The following ANKIB1 variants were observed in gnomAD, a reference collection of about 807,000 sequenced individuals.
The protein encoded by ANKIB1 is ankyrin repeat and IBR domain-containing protein 1.
ANKIB1 carries 43 observed loss-of-function variants against 122.1 expected under a neutral mutation model. That is an observed-to-expected ratio of 0.35 (90% CI 0.28 to 0.45). ANKIB1 has a LOEUF of 0.45. Ranked by LOEUF, ANKIB1 falls within the 20% of genes least tolerant of loss-of-function variation. The probability of loss-of-function intolerance (pLI) is 1.00; values close to 1 mark genes in which losing one functional copy is unlikely to be tolerated. For synonymous variants in ANKIB1, 390 were observed against 442.0 expected, an observed-to-expected ratio of 0.88 and a Z score of 1.48; for missense variants, 992 against 1,329.5, an observed-to-expected ratio of 0.75 and a Z score of 3.95.
chr7:92,340,192 T>C (rs1803406267), intron 5 of ANKIB1, among the ~76,000 whole-genome samples: 1 of 152,206 alleles, frequency 6.6e-6, no homozygotes, highest in Non-Finnish European at 1.5e-5. Context: ...GCTGTTTCTC[T>C]GAACTCTGAG....
intron 4 of ANKIB1, among the ~76,000 whole-genome samples, chr7:92,321,998 A>T (rs758449658): frequency 2.6e-5 from 4 of 152,158 alleles, no homozygotes; most frequent in Non-Finnish European, 5.9e-5. Context: ...TAAACTAGAA[A>T]ATAACTGAAT....
intron 1 of ANKIB1, among the ~76,000 whole-genome samples, chr7:92,283,420 T>C (rs1360719066): frequency 1.3e-5 from 2 of 152,238 alleles, no homozygotes; most frequent in Non-Finnish European, 2.9e-5. Flanking sequence ...CAACTTAATA[T>C]GCAGTTTGGT....
chr7:92,368,739 T>C (rs563322590), intron 10 of ANKIB1, among the ~76,000 whole-genome samples: 9 of 151,872 alleles, frequency 5.9e-5, no homozygotes, highest in South Asian at 4.2e-4. Flanking sequence ...AAAAAATGTA[T>C]GTATAAGGGA....
At chr7:92,329,285 T>A (rs1026783598) in intron 5 of ANKIB1, among the ~76,000 whole-genome samples, 9 of 152,152 alleles carry the variant, frequency 5.9e-5, no homozygotes, top group African/African-American at 1.9e-4. Context: ...TATCGATGTT[T>A]CTGACAGTCT....
chr7:92,314,559 G>C (rs958936159), intron 3 of ANKIB1, among the ~76,000 whole-genome samples: 1 of 152,148 alleles, frequency 6.6e-6, no homozygotes, highest in Non-Finnish European at 1.5e-5. Context: ...AAATCCCAAA[G>C]GGATTCTTAT....
intron 1 of ANKIB1, among the ~76,000 whole-genome samples, chr7:92,261,291 G>T (rs1487310310): frequency 2.7e-5 from 4 of 149,652 alleles, no homozygotes; most frequent in Non-Finnish European, 4.4e-5. Context: ...GGAGCTTGCA[G>T]TGAGCCGAGA....
chr7:92,256,188 G>T (rs968530649), intron 1 of ANKIB1, among the ~76,000 whole-genome samples: 1 of 152,198 alleles, frequency 6.6e-6, no homozygotes, highest in Non-Finnish European at 1.5e-5. Flanking sequence ...CATTCTAGGA[G>T]CTTTAGTAGT....
intron 3 of ANKIB1, among the ~76,000 whole-genome samples, chr7:92,318,191 T>A (rs1270264965): frequency 6.6e-6 from 1 of 152,158 alleles, no homozygotes; most frequent in Non-Finnish European, 1.5e-5. Context: ...TGACTGTTAC[T>A]ATATTATTAT....
chr7:92,262,312 C>T (rs370937346), intron 1 of ANKIB1, among the ~76,000 whole-genome samples: 16 of 152,282 alleles, frequency 1.1e-4, no homozygotes, highest in Non-Finnish European at 1.8e-4. Context: ...ACTTGAATGT[C>T]AACATGCATA....
intron 9 of ANKIB1, among the ~76,000 whole-genome samples, chr7:92,361,862 T>C (rs1441996630): frequency 6.6e-6 from 1 of 152,018 alleles, no homozygotes; most frequent in East Asian, 1.9e-4. Flanking sequence ...CAGGCTGGAG[T>C]GCAATGGTGC....
chr7:92,312,804 T>C (rs2131941873), intron 3 of ANKIB1, among the ~76,000 whole-genome samples: 1 of 152,278 alleles, frequency 6.6e-6, no homozygotes, highest in East Asian at 1.9e-4. Context: ...TAATGGATAC[T>C]CAGCACACAA....
At chr7:92,291,951 C>G (rs1802259736) in intron 1 of ANKIB1, among the ~76,000 whole-genome samples, 1 of 152,068 alleles carries the variant, frequency 6.6e-6, no homozygotes, top group Non-Finnish European at 1.5e-5. Context: ...TGAAACCTTG[C>G]CCAGGTTTTC....
At chr7:92,349,263 G>C (rs1456333466) in intron 7 of ANKIB1, among the ~76,000 whole-genome samples, 1 of 152,140 alleles carries the variant, frequency 6.6e-6, no homozygotes, top group Non-Finnish European at 1.5e-5. Context: ...TGGGAAGAAA[G>C]GAAAGAATGC....
Position 92,330,767 on chromosome 7 carries a change from G to A in ANKIB1, c.787+2867G>A, listed in dbSNP as rs181460029. Among the ~76,000 whole-genome samples, 19 of 152,254 alleles carry A rather than the reference G, an allele frequency of 1.2e-4. No homozygotes were observed. The East Asian group carries it at 1.9e-3, about 15-fold the overall frequency. ...TGAGGCAGGAGAATGGCGTGAACCC[G>A]GGAGGTGGAGCTTGCAGTGAGTGGA... On this transcript the variant is annotated intron_variant, in intron 5 of 19. Coordinates refer to ENST00000265742, the MANE Select transcript of ANKIB1 (RefSeq NM_019004.2).
intron 1 of ANKIB1, among the ~76,000 whole-genome samples, chr7:92,270,438 G>A (rs967338049): frequency 6.6e-5 from 10 of 152,160 alleles, no homozygotes; most frequent in African/African-American, 2.4e-4. Context: ...CCATGACATA[G>A]AGAAGCTGAA....
At chr7:92,364,356 T>A (rs1804024648) in intron 10 of ANKIB1, among the ~76,000 whole-genome samples, 1 of 150,318 alleles carries the variant, frequency 6.7e-6, no homozygotes, top group Admixed American at 6.6e-5. Flanking sequence ...ATAGATTGTG[T>A]TTGTTCCCCA....
At chr7:92,334,807 CATT>C (rs1422530608) in intron 5 of ANKIB1, among the ~76,000 whole-genome samples, 1 of 151,856 alleles carries the variant, frequency 6.6e-6, no homozygotes, top group Non-Finnish European at 1.5e-5. Flanking sequence ...TACATAATCT[CATT>C]ATATAAACAT....
At chr7:92,360,648 G>T (rs1332815595) in intron 9 of ANKIB1, among the ~76,000 whole-genome samples, 1 of 152,148 alleles carries the variant, frequency 6.6e-6, no homozygotes, top group East Asian at 1.9e-4. Context: ...TTTATGAGGA[G>T]TCACCAAACT....
At chr7:92,260,337 C>G (rs1384183677) in intron 1 of ANKIB1, among the ~76,000 whole-genome samples, 3 of 152,154 alleles carry the variant, frequency 2.0e-5, no homozygotes, top group Non-Finnish European at 2.9e-5. Context: ...ATACTCTTTC[C>G]CCTAGATACC....
Sources: gnomAD v4.1 joint callset for allele counts (sites outside exome capture counted in the v4.1 genomes callset) on GRCh38, gnomAD v4.1.1 for gene constraint, MANE v1.5 for transcripts, NCBI Gene and HGNC (gene_info 2026-07-23, HGNC 2026-07-21) for gene names.